WDR19: variants seen among roughly 807,000 people sequenced by gnomAD.
WDR19 encodes WD repeat domain 19.
Under a neutral mutation model 180.0 loss-of-function variants are expected in WDR19, and 121 were observed. The ratio of observed to expected loss-of-function variants is 0.67; its 90% CI spans 0.58 to 0.78. The LOEUF (loss-of-function observed/expected upper bound fraction) is 0.78. Among genes scored for constraint, WDR19 ranks in the 30% least tolerant of loss-of-function variants. The pLI is 0.00. For synonymous variants in WDR19, 497 were observed against 540.7 expected, an observed-to-expected ratio of 0.92 and a Z score of 1.12; for missense variants, 1,450 against 1,640.7, an observed-to-expected ratio of 0.88 and a Z score of 2.01.
At chr4:39,267,107 C>G (rs1338727566) in intron 29 of WDR19, among the ~76,000 whole-genome samples, 1 of 152,130 alleles carries the variant, frequency 6.6e-6, no homozygotes, top group East Asian at 1.9e-4. Flanking sequence ...AGAAAGAAAT[C>G]ATTACAAGCA....
Position 39,214,771 on chromosome 4 carries a change from TA to T in WDR19, c.961+102del, listed in dbSNP as rs769502175. On this transcript the variant is annotated intron_variant, in intron 10 of 36. Coordinates refer to ENST00000399820, the MANE Select transcript of WDR19 (RefSeq NM_025132.4). The stretch of plus-strand genomic sequence containing the variant: ...TGATTTGCATTCGTTGTAGGAGGAA[TA>T]ATTTTTTTTTTTTTTTTTGAGATGG... 8.2e-4 allele frequency: 579 copies of T among 702,414 alleles called. 1 individual carries two copies. The highest frequency in any genetic ancestry group is 1.2e-3 in the Middle Eastern group (4 of 3,414). 43.5% of individuals were successfully genotyped at this position (702,414 alleles called of 1,614,324 possible).
chr4:39,245,540 G>A, intron 24 of WDR19, 88 bp downstream of exon 24: 1 of 1,353,580 alleles, frequency 7.4e-7, no homozygotes. Context: ...TGTAAGAAAG[G>A]CAAACCAGAG....
rs571270099 is a variant in WDR19 at position 39,252,874 on chromosome 4, G to GA, written c.2730-265dup. Among the ~76,000 whole-genome samples, 889 of 151,898 alleles carry GA rather than the reference G, an allele frequency of 5.9e-3. 14 individuals carry two copies. The highest frequency in any genetic ancestry group is 0.02 in the African/African-American group (833 of 41,500). On this transcript the variant is annotated intron_variant, in intron 24 of 36. Coordinates refer to ENST00000399820, the MANE Select transcript of WDR19 (RefSeq NM_025132.4). Reference sequence around the variant, plus strand: ...CTATTATAATCTTCCTACTTAAAAGGAAAAAAACAGTAAAATGTTTAAAAA... The same window carrying GA: ...CTATTATAATCTTCCTACTTAAAAGGAAAAAAAACAGTAAAATGTTTAAAAA...
chr4:39,253,249 G>T lies in WDR19; in HGVS notation c.2833G>T (p.Val945Phe), dbSNP rs747830344. 6.2e-7 allele frequency: 1 copy of T among 1,613,484 alleles called. No homozygotes were observed. Among genetic ancestry groups the T allele is most frequent in the Non-Finnish European group, 8.5e-7 (1 of 1,179,706 alleles). Residue 945 changes from valine to phenylalanine, a missense_variant, in exon 25 of 37, where the codon GTT (valine) becomes TTT (phenylalanine). Val to Phe is a conservative substitution (Grantham distance 50). Transcript: ENST00000399820. ...TAATCCTGAAAAAGCTGTCAATATTGTTAGAGAGACCCAGTCTCTGGATGG... is the reference window on the plus strand; with the variant it reads ...TAATCCTGAAAAAGCTGTCAATATTTTTAGAGAGACCCAGTCTCTGGATGG... ...LNNPEKAVNI[V>F]RETQSLDGAK...
rs1412739019 is a variant in WDR19 at position 39,194,647 on chromosome 4, A to G, written c.394A>G (p.Ile132Val). ...TTATAATCATCAGACATCTCGAAAG[A>G]TTCCTGTCCTTGGTAGGTGATAGCT... ...LIYNHQTSRK[I>V]PVLGKHTKRI... Residue 132 changes from isoleucine to valine, a missense_variant, in exon 5 of 37, where the codon ATT (isoleucine) becomes GTT (valine). Ile to Val is a conservative substitution (Grantham distance 29). Transcript: ENST00000399820. The G allele has an allele frequency of 2.5e-6, 4 of 1,609,004 alleles. No individual in the cohort carries two copies. The highest frequency in any genetic ancestry group is 3.4e-6 in the Non-Finnish European group (4 of 1,176,300).
Position 39,197,654 on chromosome 4 carries a change from G to GA in WDR19, c.407-1814dup, listed in dbSNP as rs897911151. Among the ~76,000 whole-genome samples the GA allele has an allele frequency of 2.6e-3, 387 of 147,746 alleles. 1 individual carries two copies. Among genetic ancestry groups the GA allele is most frequent in the South Asian group, 5.8e-3 (27 of 4,668 alleles). ...ATAGTGTCAAGCATGTGATTTCCCT[G>GA]AAAAAAAAAATATATAGTTTTTGCA... On this transcript the variant is annotated intron_variant, in intron 5 of 36. Coordinates refer to ENST00000399820, the MANE Select transcript of WDR19 (RefSeq NM_025132.4).
rs1730484886 is a variant in WDR19, at chr4:39,228,296, A to G, written c.1716A>G (p.Val572=). The change falls in exon 16 of 37, where the codon GTA becomes GTG. Residue 572 remains valine (V), a synonymous_variant. Coordinates refer to ENST00000399820, the MANE Select transcript of WDR19 (RefSeq NM_025132.4). ...AAAACTGGCCAATGGATAAAGGTGT[A>G]TTTATTGCTTATGATGATGATAAGG... ...LWENWPMDKG[V]FIAYDDDKVY... is the part of the protein sequence containing the mutation. The G allele has an allele frequency of 1.2e-6, 2 of 1,613,390 alleles. No homozygotes were observed. The highest frequency in any genetic ancestry group is 2.7e-5 in the African/African-American group (2 of 74,926).
At chr4:39,278,717 C>T (rs1326161837) in intron 36 of WDR19, 54 bp downstream of exon 36, 24 of 1,073,062 alleles carry the variant, frequency 2.2e-5, no homozygotes, top group Admixed American at 6.6e-5. Flanking sequence ...ACAGCGTGCA[C>T]GCAGCTTTTC....
chr4:39,285,079 G>GACAC (rs34494427), intron 36 of WDR19, among the ~76,000 whole-genome samples: 4 of 150,836 alleles, frequency 2.7e-5, no homozygotes, highest in African/African-American at 7.3e-5. Flanking sequence ...AAAAAAAAAA[G>GACAC]ACACACACAA....
At chr4:39,275,259 G>A (rs1735784077) in intron 33 of WDR19, 5 of 357,966 alleles carry the variant, frequency 1.4e-5, no homozygotes, top group South Asian at 1.2e-4. Context: ...AGAATTGCTT[G>A]AACCCGGGAG....
Position 39,217,131 on chromosome 4 carries a change from C to T in WDR19, c.1250-3C>T. 1 of 1,593,392 alleles carries T rather than the reference C, an allele frequency of 6.3e-7. No homozygotes were observed. The highest frequency in any genetic ancestry group is 8.6e-7 in the Non-Finnish European group (1 of 1,168,504). On this transcript the variant is annotated splice_polypyrimidine_tract_variant and splice_region_variant and intron_variant, in intron 12 of 36. Coordinates refer to ENST00000399820, the MANE Select transcript of WDR19 (RefSeq NM_025132.4). ...ATGTGTTGGTTTTTAAAAATTGCTA[C>T]AGCTGTGAAAAAATTGAAAGATATG...
In WDR19 at chr4:39,186,641, T is replaced by G. The variant is rs752520212; in HGVS notation, c.164+37T>G. 4.3e-6 allele frequency: 6 copies of G among 1,387,632 alleles called. No individual in the cohort carries two copies. In the East Asian group the frequency reaches 1.2e-4, roughly 28 times the overall value. The allele number at this position is 1,387,632 out of a possible 1,614,324, so 86.0% of individuals were successfully genotyped here. On this transcript the variant is annotated intron_variant, in intron 3 of 36. Transcript: ENST00000399820. The stretch of plus-strand genomic sequence containing the variant: ...AGTAGATTTAAAAAAACCTGTCAAG[T>G]TTTGTTGCCTAAAAGATTAAAAAAA...
intron 24 of WDR19, among the ~76,000 whole-genome samples, chr4:39,249,029 A>G (rs1216107936): frequency 6.6e-6 from 1 of 152,174 alleles, no homozygotes; most frequent in African/African-American, 2.4e-5. Context: ...AGAACTCTCC[A>G]CCCCAAATCA....
chr4:39,266,406 A>G (rs1178913633), intron 29 of WDR19, among the ~76,000 whole-genome samples: 1 of 152,204 alleles, frequency 6.6e-6, no homozygotes, highest in Non-Finnish European at 1.5e-5. Flanking sequence ...AAAAACTCAT[A>G]ATGTTTTAAG....
chr4:39,268,131 A>G (rs1289852632), intron 30 of WDR19, 40 bp downstream of exon 30: 7 of 1,502,926 alleles, frequency 4.7e-6, no homozygotes. Flanking sequence ...CCAAGCAGGC[A>G]GCAGAATCAA....
At chr4:39,263,244 T>G (rs1210846734) in intron 28 of WDR19, among the ~76,000 whole-genome samples, 3 of 152,118 alleles carry the variant, frequency 2.0e-5, no homozygotes, top group Non-Finnish European at 4.4e-5. Context: ...AGCTTCTGCC[T>G]TCCCCACTCC....
intron 23 of WDR19, 121 bp from the exon 24 acceptor site, chr4:39,245,248 A>C (rs1332255796): frequency 1.3e-6 from 1 of 796,736 alleles, no homozygotes; most frequent in Non-Finnish European, 1.9e-6. Context: ...GCCAGGAGCC[A>C]AGATTTTTGA....
At chr4:39,219,240 A>G (rs1050229041) in intron 14 of WDR19, 1 of 152,262 alleles carries the variant, frequency 6.6e-6, no homozygotes. Context: ...ATACTTTTAT[A>G]TAACTGGCAG....
chr4:39,274,472 A>G (rs1735699954), intron 32 of WDR19: 2 of 230,268 alleles, frequency 8.7e-6, no homozygotes, highest in African/African-American at 4.4e-5. Flanking sequence ...AAAGTCATTA[A>G]TCCCCCTAAT....
Sources: allele counts gnomAD v4.1 joint callset (sites outside exome capture counted in the v4.1 genomes callset), GRCh38; gene constraint gnomAD v4.1.1; transcripts MANE v1.5; gene names NCBI Gene and HGNC (gene_info 2026-07-23, HGNC 2026-07-21).